RASA1: variants seen among roughly 807,000 people sequenced by gnomAD.
The protein encoded by RASA1 is RAS p21 protein activator 1, also known as ras GTPase-activating protein 1.
In RASA1, 25 loss-of-function variants were observed where a neutral mutation model predicts 132.2. The observed-to-expected ratio is 0.19, with a 90% CI of 0.14 to 0.26. The LOEUF is 0.26. Among genes scored for constraint, RASA1 ranks in the 10% least tolerant of loss-of-function variants. RASA1 has a pLI of 1.00. For missense variants in RASA1, 964 were observed against 1,299.2 expected (o/e 0.74, Z 3.97); for synonymous variants, 477 against 449.9 (o/e 1.06, Z -0.76).
At chr5:87,275,907 C>T (rs1027962244) in intron 1 of RASA1, among the ~76,000 whole-genome samples, 3 of 152,088 alleles carry the variant, frequency 2.0e-5, no homozygotes, top group Admixed American at 6.6e-5. Context: ...ATGGCAGTTC[C>T]GTGAAAGACC....
intron 1 of RASA1, among the ~76,000 whole-genome samples, chr5:87,290,665 C>A (rs959222693): frequency 2.0e-5 from 3 of 152,144 alleles, no homozygotes; most frequent in African/African-American, 7.2e-5. Flanking sequence ...CCCCCTTAGC[C>A]CCTGTCAGTC....
intron 1 of RASA1, among the ~76,000 whole-genome samples, chr5:87,284,912 C>T (rs1350017548): frequency 1.3e-5 from 2 of 151,900 alleles, no homozygotes. Flanking sequence ...AGGAAATAAC[C>T]TAATATTTTT....
chr5:87,370,349 C>T (rs929929846), intron 12 of RASA1, among the ~76,000 whole-genome samples: 1 of 152,184 alleles, frequency 6.6e-6, no homozygotes, highest in African/African-American at 2.4e-5. Flanking sequence ...TAAGCCAAGT[C>T]GAGATATAAT....
chr5:87,351,073 A>G (rs1759233110), intron 8 of RASA1, among the ~76,000 whole-genome samples: 1 of 151,580 alleles, frequency 6.6e-6, no homozygotes, highest in Non-Finnish European at 1.5e-5. Flanking sequence ...CTGCTGTCCC[A>G]TCTCCCCATT....
chr5:87,329,130 CA>C (rs1331198503), intron 1 of RASA1, among the ~76,000 whole-genome samples: 1 of 151,902 alleles, frequency 6.6e-6, no homozygotes, highest in Non-Finnish European at 1.5e-5. Flanking sequence ...TTTTAATGCT[CA>C]GATCTTAGAA....
At chr5:87,379,359 A>T (rs1761546573) in intron 18 of RASA1, among the ~76,000 whole-genome samples, 1 of 152,162 alleles carries the variant, frequency 6.6e-6, no homozygotes, top group African/African-American at 2.4e-5. Context: ...CTGACACTAG[A>T]TCAGAAGGGT....
intron 1 of RASA1, among the ~76,000 whole-genome samples, chr5:87,274,310 C>G (rs775546534): frequency 1.3e-5 from 2 of 152,066 alleles, no homozygotes; most frequent in Non-Finnish European, 2.9e-5. Flanking sequence ...TTAAAAAAAT[C>G]ATTTTACTGT....
At chr5:87,285,033 C>A (rs185228721) in intron 1 of RASA1, among the ~76,000 whole-genome samples, 1 of 137,012 alleles carries the variant, frequency 7.3e-6, no homozygotes, top group Non-Finnish European at 1.6e-5. Context: ...ATAATGGTAC[C>A]ATTTATTTAT....
At position 87,370,553 on chromosome 5, in the gene RASA1, T is replaced by C. The variant is rs1760852819; in HGVS notation, c.1698+653T>C. Among the ~76,000 whole-genome samples the C allele has an allele frequency of 2.0e-5, 3 of 152,198 alleles. No homozygotes were observed. In the South Asian group the frequency reaches 6.2e-4, roughly 31 times the overall value. ...GGCTTATGCCTGTAGTCCCAGCCAC[T>C]GGGTAGAATGAGGCAGGAAGATTGC... On this transcript the variant is annotated intron_variant, in intron 12 of 24. Coordinates refer to ENST00000274376, the MANE Select transcript of RASA1 (RefSeq NM_002890.3).
In RASA1 at chr5:87,268,592, C is replaced by A; in HGVS notation, c.141C>A (p.Ala47=). The change falls in exon 1 of 25, where the codon GCC becomes GCA. Residue 47 remains alanine, a synonymous_variant. Transcript: ENST00000274376. ...CCGCGGCCCTGCCTGTGGCAGCCGCCCCCTATCCTGGGCTGGTGGAGACCG... is the reference window on the plus strand; with the variant it reads ...CCGCGGCCCTGCCTGTGGCAGCCGCACCCTATCCTGGGCTGGTGGAGACCG... The part of the protein sequence containing the change: ...KIPAALPVAA[A]PYPGLVETGV... 2 of 1,610,822 alleles carry A rather than the reference C, an allele frequency of 1.2e-6. No homozygotes were observed. Among genetic ancestry groups the A allele is most frequent in the South Asian group, 2.2e-5 (2 of 90,614 alleles).
At chr5:87,317,035 A>G (rs1445533330) in intron 1 of RASA1, among the ~76,000 whole-genome samples, 3 of 152,066 alleles carry the variant, frequency 2.0e-5, no homozygotes, top group Non-Finnish European at 4.4e-5. Flanking sequence ...GGCGTGTGCC[A>G]CTACACCCAG....
At chr5:87,364,301 A>T (rs544077676) in intron 11 of RASA1, among the ~76,000 whole-genome samples, 1 of 152,136 alleles carries the variant, frequency 6.6e-6, no homozygotes, top group African/African-American at 2.4e-5. Context: ...TAGCCTTGTC[A>T]TTTCTTTTTT....
At chr5:87,279,850 C>G (rs774258718) in intron 1 of RASA1, among the ~76,000 whole-genome samples, 1 of 152,124 alleles carries the variant, frequency 6.6e-6, no homozygotes, top group Non-Finnish European at 1.5e-5. Flanking sequence ...AAGTCAAAAT[C>G]CCACAATAGG....
rs578228405 is a variant in RASA1 at position 87,302,188 on chromosome 5, T to A, written c.540-29160T>A. Among the ~76,000 whole-genome samples the A allele has an allele frequency of 3.3e-5, 5 of 152,258 alleles. No homozygotes were observed. In the South Asian group the frequency reaches 1.0e-3, roughly 32 times the overall value. ...ATGTGAGAATTTCAGTTGCTCTACA[T>A]TCTTGTGAACATTTAGTATTGTTTA... On this transcript the variant is annotated intron_variant, in intron 1 of 24. Transcript: ENST00000274376.
chr5:87,319,465 T>C (rs1027494346), intron 1 of RASA1, among the ~76,000 whole-genome samples: 4 of 152,066 alleles, frequency 2.6e-5, no homozygotes, highest in Non-Finnish European at 5.9e-5. Flanking sequence ...ACCTCTTCTC[T>C]TGCCTTTTGT....
At chr5:87,376,830 C>A in intron 16 of RASA1, 51 bp from the exon 17 acceptor site, 1 of 1,512,836 alleles carries the variant, frequency 6.6e-7, no homozygotes, top group Non-Finnish European at 9.2e-7. Context: ...TCTCATGGAG[C>A]ATGCTTATAA....
intron 1 of RASA1, among the ~76,000 whole-genome samples, chr5:87,294,811 G>A (rs369827226): frequency 6.6e-6 from 1 of 152,320 alleles, no homozygotes; most frequent in East Asian, 1.9e-4. Flanking sequence ...TGGAGAGAAT[G>A]TGCAGTCTGC....
chr5:87,378,387 T>C lies in RASA1; in HGVS notation c.2345-9T>C, dbSNP rs1580390526. On this transcript the variant is annotated splice_polypyrimidine_tract_variant and intron_variant, in intron 17 of 24. Coordinates refer to ENST00000274376, the MANE Select transcript of RASA1 (RefSeq NM_002890.3). ...TACAAATAATCTTCTAATGTAAATA[T>C]TTGTGTAGATGAAGCCACTACCCTA... is the stretch of plus-strand genomic sequence containing the variant. 1.2e-6 allele frequency: 2 copies of C among 1,612,558 alleles called. No homozygotes were observed. Among genetic ancestry groups the C allele is most frequent in the Admixed American group, 3.3e-5 (2 of 59,992 alleles).
At chr5:87,297,317 T>G (rs1163062882) in intron 1 of RASA1, among the ~76,000 whole-genome samples, 1 of 152,234 alleles carries the variant, frequency 6.6e-6, no homozygotes, top group Non-Finnish European at 1.5e-5. Context: ...TTATGTCTTG[T>G]AATTTTTTAT....
Sources: gnomAD v4.1 joint callset for allele counts (sites outside exome capture counted in the v4.1 genomes callset) on GRCh38, gnomAD v4.1.1 for gene constraint, MANE v1.5 for transcripts, NCBI Gene and HGNC (gene_info 2026-07-23, HGNC 2026-07-21) for gene names.